TMEM216: variants seen among roughly 807,000 people sequenced by gnomAD.
The protein encoded by TMEM216 is cerebello-oculo-renal syndrome 2.
In TMEM216, 15 loss-of-function variants were observed where a neutral mutation model predicts 17.8. The observed-to-expected ratio is 0.84, with a 90% CI of 0.56 to 1.30. The LOEUF (loss-of-function observed/expected upper bound fraction) is 1.30. Among genes scored for constraint, TMEM216 ranks in the 50% most tolerant of loss-of-function variants. The probability of loss-of-function intolerance (pLI) is 0.00; values close to 1 mark genes in which losing one functional copy is unlikely to be tolerated. For synonymous variants in TMEM216, 58 were observed against 73.5 expected, an observed-to-expected ratio of 0.79 and a Z score of 1.08; for missense variants, 160 against 175.7, an observed-to-expected ratio of 0.91 and a Z score of 0.51.
At chr11:61,394,729 C>T (rs541608819) in intron 3 of TMEM216, among the ~76,000 whole-genome samples, 8 of 150,718 alleles carry the variant, frequency 5.3e-5, no homozygotes, top group African/African-American at 2.0e-4. Flanking sequence ...TGCAGTGGCA[C>T]CATCTCGGCT....
In TMEM216 at chr11:61,393,302, C is replaced by A; in HGVS notation, c.106C>A (p.Leu36Met). The A allele has an allele frequency of 6.5e-7, 1 of 1,535,918 alleles. No homozygotes were observed. Among genetic ancestry groups the A allele is most frequent in the Non-Finnish European group, 8.7e-7 (1 of 1,146,754 alleles). ...LNGWYNATYF[L>M]LELFIFLYKG... ...CGGGTGGTATAATGCTACCTATTTC[C>A]TGCTGGAACTTTTCATATTTCTGTA... The change falls in exon 2 of 5, where the codon CTG (leucine) becomes ATG (methionine). Residue 36 changes from leucine to methionine, a missense_variant. Physicochemically the swap from Leu to Met is conservative, Grantham distance 15. Transcript: ENST00000515837.
intron 3 of TMEM216, among the ~76,000 whole-genome samples, chr11:61,395,651 G>A (rs1339682190): frequency 6.6e-6 from 1 of 151,110 alleles, no homozygotes; most frequent in African/African-American, 2.4e-5. Context: ...CAGTAGAATC[G>A]CTTGAACCCA....
rs1219199960 is a variant in TMEM216, at chr11:61,393,265, G to A, written c.69G>A (p.Leu23=). 1.3e-6 allele frequency: 2 copies of A among 1,535,854 alleles called. No individual in the cohort carries two copies. Among genetic ancestry groups the A allele is most frequent in the Admixed American group, 2.0e-5 (1 of 50,972 alleles). ...KRLSSTPLEI[L]FFLNGWYNAT... ...TGTCCTCCACCCCGCTGGAAATCCTGTTCTTTCTGAACGGGTGGTATAATG... is the reference window on the plus strand; with the variant it reads ...TGTCCTCCACCCCGCTGGAAATCCTATTCTTTCTGAACGGGTGGTATAATG... The change falls in exon 2 of 5, where the codon CTG becomes CTA. Residue 23 remains leucine (L), a synonymous_variant. Transcript: ENST00000515837.
chr11:61,397,306 A>G (rs1262790712), intron 3 of TMEM216, among the ~76,000 whole-genome samples: 1 of 151,690 alleles, frequency 6.6e-6, no homozygotes, highest in African/African-American at 2.4e-5. Context: ...AGCTGGGACT[A>G]CAGGCGCCCG....
rs570795669 is a variant in TMEM216 at position 61,394,095 on chromosome 11, A to G, written c.229+119A>G. 315 of 871,270 alleles carry G rather than the reference A, an allele frequency of 3.6e-4. 2 individuals are homozygous for G. The African/African-American group carries it at 4.5e-3, about 12-fold the overall frequency. 54.0% of individuals were successfully genotyped at this position (871,270 alleles called of 1,614,324 possible). A position where few individuals can be genotyped will look rare whatever the true frequency, so the allele number is the denominator to read the frequency against. Reference sequence around the variant, plus strand: ...ATCATAGACTGGATCTGTATATCCTATTACTCCGTCTCTGAAGTTTCAAGT... The same window carrying G: ...ATCATAGACTGGATCTGTATATCCTGTTACTCCGTCTCTGAAGTTTCAAGT... On this transcript the variant is annotated intron_variant, in intron 3 of 4. Transcript: ENST00000515837.
chr11:61,397,811 C>G lies in TMEM216; in HGVS notation c.267C>G (p.Leu89=). The G allele has an allele frequency of 6.2e-7, 1 of 1,613,798 alleles. No homozygotes were observed. The highest frequency in any genetic ancestry group is 8.5e-7 in the Non-Finnish European group (1 of 1,179,888). Reference sequence around the variant, plus strand: ...ACCTCTGCCAGCGAAAGATGCCGCTCAGTATTAGCGTGGCCTTGACCTTCC... The same window carrying G: ...ACCTCTGCCAGCGAAAGATGCCGCTGAGTATTAGCGTGGCCTTGACCTTCC... ...KGNLCQRKMP[L]SISVALTFPS... Residue 89 remains leucine, a synonymous_variant, in exon 4 of 5, where the codon CTC becomes CTG. Transcript: ENST00000515837.
At chr11:61,393,368 T>G in intron 2 of TMEM216, 36 bp downstream of exon 2, 1 of 1,405,178 alleles carries the variant, frequency 7.1e-7, no homozygotes, top group Non-Finnish European at 9.7e-7. Flanking sequence ...CAGCATCCCT[T>G]CCCCACTTCA....
chr11:61,394,727 C>T lies in TMEM216; in HGVS notation c.229+751C>T, dbSNP rs1858760905. On this transcript the variant is annotated intron_variant, in intron 3 of 4. Coordinates refer to ENST00000515837, the MANE Select transcript of TMEM216 (RefSeq NM_001173990.3). ...TGTCACCTGGGCTGGAGTGCAGTGGCACCATCTCGGCTCACTGCAGCCTCC... is the reference window on the plus strand; with the variant it reads ...TGTCACCTGGGCTGGAGTGCAGTGGTACCATCTCGGCTCACTGCAGCCTCC... Among the ~76,000 whole-genome samples the T allele has an allele frequency of 2.0e-5, 3 of 149,812 alleles. No individual in the cohort carries two copies. The Admixed American group carries it at 2.0e-4, about 10-fold the overall frequency.
intron 3 of TMEM216, among the ~76,000 whole-genome samples, chr11:61,396,793 T>TA (rs763732273): frequency 3.8e-3 from 465 of 123,610 alleles, no homozygotes; most frequent in African/African-American, 3.9e-3. Flanking sequence ...TCCGTCTCAA[T>TA]AAAAAAAAAA....
In TMEM216 at chr11:61,393,893, TAC is replaced by T; in HGVS notation, c.147_148del (p.Pro50IlefsTer5). The T allele has an allele frequency of 6.2e-7, 1 of 1,613,818 alleles. No homozygotes were observed. Among genetic ancestry groups the T allele is most frequent in the Non-Finnish European group, 8.5e-7 (1 of 1,179,738 alleles). On this transcript the variant is annotated frameshift_variant, in exon 3 of 5. Transcript: ENST00000515837. LOFTEE classifies it high-confidence loss of function. ...GCTTTTGTATTGGCAGGTGTCCTGC[TAC>T]CATATCCAACAGCTAACCTAGTACT...
At position 61,393,231 on chromosome 11, in the gene TMEM216, G is replaced by A. The variant is rs2135189981; in HGVS notation, c.35G>A (p.Gly12Asp). Residue 12 changes from glycine to aspartate, a missense_variant and splice_region_variant, in exon 2 of 5, where the codon GGT becomes GAT. Coordinates refer to ENST00000515837, the MANE Select transcript of TMEM216 (RefSeq NM_001173990.3). The stretch of plus-strand genomic sequence containing the variant: ...CCACTTCTCTGTGCTCCTTTTTCAG[G>A]TAAACGGTTGTCCTCCACCCCGCTG... The part of the protein sequence containing the change: ...LPRGLKMAPR[G>D]KRLSSTPLEI... 1 of 1,535,012 alleles carries A rather than the reference G, an allele frequency of 6.5e-7. No individual in the cohort carries two copies.
At chr11:61,394,818 C>T (rs921066330) in intron 3 of TMEM216, among the ~76,000 whole-genome samples, 5 of 151,972 alleles carry the variant, frequency 3.3e-5, no homozygotes, top group Non-Finnish European at 5.9e-5. Flanking sequence ...AGGCGCCTGC[C>T]ACCATGCCCG....
intron 2 of TMEM216, among the ~76,000 whole-genome samples, chr11:61,393,571 T>TG (rs1425684265): frequency 6.6e-6 from 1 of 152,220 alleles, no homozygotes; most frequent in African/African-American, 2.4e-5. Context: ...CCCACATCAC[T>TG]GCTCTTTGCT....
rs1461567862 is a variant in TMEM216, at chr11:61,393,967, CTG to C, written c.222_223del (p.Phe76TrpfsTer16). 1 of 1,613,786 alleles carries C rather than the reference CTG, an allele frequency of 6.2e-7. No homozygotes were observed. Among genetic ancestry groups the C allele is most frequent in the East Asian group, 2.2e-5 (1 of 44,898 alleles). On this transcript the variant is annotated frameshift_variant, in exon 3 of 5. Coordinates refer to ENST00000515837, the MANE Select transcript of TMEM216 (RefSeq NM_001173990.3). LOFTEE classifies it high-confidence loss of function. Reference protein sequence around the residue: ...LLYLGIEVIRLFFGTKGNLCQ... With the variant: ...LLYLGIEVIRXFFGTKGNLCQ... The stretch of plus-strand genomic sequence containing the variant: ...TTATCTTGGAATTGAAGTAATTCGC[CTG>C]TTTTTTGGTAAGTGTTGTCCAGAGA...
intron 3 of TMEM216, among the ~76,000 whole-genome samples, chr11:61,395,823 C>T (rs1800513697): frequency 6.6e-6 from 1 of 151,882 alleles, no homozygotes. Flanking sequence ...CTCAAACTCG[C>T]TAATAAAAAT....
rs1195527041 is a variant in TMEM216, at chr11:61,398,334, A to G, written c.*58A>G. The G allele has an allele frequency of 1.3e-6, 2 of 1,577,498 alleles. No individual in the cohort carries two copies. The highest frequency in any genetic ancestry group is 2.2e-5 in the East Asian group (1 of 44,510). ...TGACACCACACATATTGCTTCTGGT[A>G]CTTTAGCCACACCAGTGAGAATTGG... On this transcript the variant is annotated 3_prime_UTR_variant, in exon 5 of 5. Transcript: ENST00000515837.
Position 61,398,593 on chromosome 11 carries a change from C to T in TMEM216, c.*317C>T. On this transcript the variant is annotated 3_prime_UTR_variant, in exon 5 of 5. Coordinates refer to ENST00000515837, the MANE Select transcript of TMEM216 (RefSeq NM_001173990.3). ...TCCTTGATCACCGTGGCCAGAGCATCTCGTGTGGACCATCTAGGCTCCTTG... is the reference window on the plus strand; with the variant it reads ...TCCTTGATCACCGTGGCCAGAGCATTTCGTGTGGACCATCTAGGCTCCTTG... 1 of 392,598 alleles carries T rather than the reference C, an allele frequency of 2.5e-6. No homozygotes were observed. Among genetic ancestry groups the T allele is most frequent in the South Asian group, 4.4e-5 (1 of 22,660 alleles). 24.3% of individuals were successfully genotyped at this position (392,598 alleles called of 1,614,324 possible). A position where few individuals can be genotyped will look rare whatever the true frequency, so the allele number is the denominator to read the frequency against.
chr11:61,393,802 G>GTCC (rs1178583151), intron 2 of TMEM216, 82 bp from the exon 3 acceptor site: 18 of 1,032,706 alleles, frequency 1.7e-5, no homozygotes, highest in African/African-American at 1.7e-4. Flanking sequence ...TGAGACTGAT[G>GTCC]TCCTCTTTTT....
chr11:61,396,720 G>A (rs574075314), intron 3 of TMEM216, among the ~76,000 whole-genome samples: 3 of 152,062 alleles, frequency 2.0e-5, no homozygotes, highest in Admixed American at 6.6e-5. Flanking sequence ...CTTGTACCTG[G>A]GAGGTGGAGG....
Sources: allele counts gnomAD v4.1 joint callset (sites outside exome capture counted in the v4.1 genomes callset), GRCh38; gene constraint gnomAD v4.1.1; transcripts MANE v1.5; gene names NCBI Gene and HGNC (gene_info 2026-07-23, HGNC 2026-07-21).